The following PPARGC1A variants were observed in gnomAD, a reference collection of about 807,000 sequenced individuals.
PPARGC1A encodes PPARG coactivator 1 alpha.
A neutral mutation model predicts 88.7 loss-of-function variants in PPARGC1A; 25 were observed. The observed-to-expected ratio is 0.28, with a 90% CI of 0.21 to 0.39. PPARGC1A has a LOEUF of 0.39. Among genes scored for constraint, PPARGC1A ranks in the 10% least tolerant of loss-of-function variants. The probability of loss-of-function intolerance (pLI) is 1.00; values close to 1 mark genes in which losing one functional copy is unlikely to be tolerated. For missense variants in PPARGC1A, 880 were observed against 968.7 expected (o/e 0.91, Z 1.22); for synonymous variants, 363 against 355.6 (o/e 1.02, Z -0.24).
chr4:23,923,987 AT>A, the PPARGC1A span, among the ~76,000 whole-genome samples: 1 of 152,160 alleles, frequency 6.6e-6, no homozygotes, highest in East Asian at 1.9e-4. Context: ...CTATGGAGAG[AT>A]GCCTTTTCAG....
the PPARGC1A span, among the ~76,000 whole-genome samples, chr4:24,431,935 T>G: frequency 6.6e-6 from 1 of 152,190 alleles, no homozygotes; most frequent in Non-Finnish European, 1.5e-5. Flanking sequence ...GGTCATTAGA[T>G]TTGAAAATTA....
At chr4:24,251,150 A>G in the PPARGC1A span, among the ~76,000 whole-genome samples, 2 of 152,228 alleles carry the variant, frequency 1.3e-5, no homozygotes, top group African/African-American at 4.8e-5. Flanking sequence ...ACTAATTAGC[A>G]TAAGTCATTA....
At chr4:24,100,253 A>C in the PPARGC1A span, among the ~76,000 whole-genome samples, 5 of 152,192 alleles carry the variant, frequency 3.3e-5, no homozygotes, top group East Asian at 7.7e-4. Context: ...GTCTATTGGC[A>C]TATGAAGCTT....
Position 23,826,737 on chromosome 4 carries a change from T to C in PPARGC1A, c.757+1663A>G, listed in dbSNP as rs373607058. Among the ~76,000 whole-genome samples the C allele has an allele frequency of 2.0e-5, 3 of 152,198 alleles. No homozygotes were observed. The South Asian group carries it at 6.2e-4, about 31-fold the overall frequency. ...TTTGTCTGTTTGTCAACAGGTTTTG[T>C]TCTGGGGTGAGCGTTTTGTACCTTG... On this transcript the variant is annotated intron_variant, in intron 5 of 12. Transcript: ENST00000264867.
chr4:23,907,500 C>G (rs16874340), upstream of PPARGC1A, among the ~76,000 whole-genome samples: 728 of 152,270 alleles, frequency 4.8e-3, 34 homozygotes, highest in East Asian at 0.099. Context: ...TAAGGAGTCC[C>G]AGAGACACAA....
chr4:24,338,190 G>A, the PPARGC1A span, among the ~76,000 whole-genome samples: 1 of 152,118 alleles, frequency 6.6e-6, no homozygotes, highest in African/African-American at 2.4e-5. Flanking sequence ...GTGAGCCCCT[G>A]TGTAATTCTC....
the PPARGC1A span, among the ~76,000 whole-genome samples, chr4:24,285,411 G>A: frequency 1.2e-3 from 190 of 152,256 alleles, 1 homozygote; most frequent in Middle Eastern, 6.8e-3. Flanking sequence ...AGGAATGAGA[G>A]GGTGAAAGGG....
At chr4:24,068,202 TGCCACGGAAG>T in the PPARGC1A span, among the ~76,000 whole-genome samples, 6 of 89,990 alleles carry the variant, frequency 6.7e-5, no homozygotes, top group Non-Finnish European at 1.6e-4. Flanking sequence ...ATGTAATCAA[TGCCACGGAAG>T]GAATGATGAT....
chr4:24,466,886 C>CAGAAAAAA, the PPARGC1A span, among the ~76,000 whole-genome samples: 1 of 68,286 alleles, frequency 1.5e-5, no homozygotes, highest in Non-Finnish European at 2.6e-5. Context: ...TGCACACCAG[C>CAGAAAAAA]AAAAAAAAAA....
At chr4:24,364,269 T>C in the PPARGC1A span, among the ~76,000 whole-genome samples, 1 of 152,210 alleles carries the variant, frequency 6.6e-6, no homozygotes, top group Non-Finnish European at 1.5e-5. Context: ...AAAGGGATTT[T>C]CTGTGGGCAA....
rs368997338 is a variant in PPARGC1A, at chr4:23,868,628, T to C, written c.234+16124A>G. Among the ~76,000 whole-genome samples, 47 of 152,336 alleles carry C rather than the reference T, an allele frequency of 3.1e-4. No homozygotes were observed. The South Asian group carries it at 8.3e-3, about 27-fold the overall frequency. ...TATTACTTAGAAAGCTGAACCACAA[T>C]TCGAAGGCCTTAACGAAAGAAAAAG... is the stretch of plus-strand genomic sequence containing the variant. On this transcript the variant is annotated intron_variant, in intron 2 of 12. Transcript: ENST00000264867.
At chr4:24,455,018 ATG>A in the PPARGC1A span, among the ~76,000 whole-genome samples, 1 of 152,238 alleles carries the variant, frequency 6.6e-6, no homozygotes, top group Non-Finnish European at 1.5e-5. Flanking sequence ...GAGGAAACCG[ATG>A]AAATACACGA....
the PPARGC1A span, among the ~76,000 whole-genome samples, chr4:24,125,066 TA>T: frequency 6.6e-6 from 1 of 152,102 alleles, no homozygotes; most frequent in Admixed American, 6.6e-5. Context: ...TCATAGAAAA[TA>T]TTGGGTTAGA....
At chr4:24,342,518 T>C in the PPARGC1A span, among the ~76,000 whole-genome samples, 26 of 152,236 alleles carry the variant, frequency 1.7e-4, no homozygotes, top group Admixed American at 1.3e-3. Context: ...AAGAACCCCA[T>C]TGATTTTTCT....
chr4:24,248,940 A>G, the PPARGC1A span, among the ~76,000 whole-genome samples: 6 of 152,206 alleles, frequency 3.9e-5, no homozygotes, highest in Non-Finnish European at 8.8e-5. Context: ...AGAGTTGATA[A>G]AGCAAACAGA....
the PPARGC1A span, among the ~76,000 whole-genome samples, chr4:23,985,128 A>T: frequency 1.1e-4 from 17 of 152,280 alleles, no homozygotes; most frequent in Non-Finnish European, 2.4e-4. Context: ...ACAGTCTTCA[A>T]GTCCATCAAT....
chr4:24,212,085 G>C, the PPARGC1A span, among the ~76,000 whole-genome samples: 1 of 152,248 alleles, frequency 6.6e-6, no homozygotes, highest in Non-Finnish European at 1.5e-5. Flanking sequence ...CCACATCCTG[G>C]AGGATGCCGT....
At chr4:23,861,937 G>A (rs1021125030) in intron 2 of PPARGC1A, among the ~76,000 whole-genome samples, 16 of 152,282 alleles carry the variant, frequency 1.1e-4, no homozygotes, top group African/African-American at 3.8e-4. Context: ...AGACTTTAAA[G>A]CTAGGTTTAA....
chr4:24,457,715 ATTAT>A, the PPARGC1A span, among the ~76,000 whole-genome samples: 4 of 151,618 alleles, frequency 2.6e-5, no homozygotes, highest in East Asian at 7.8e-4. Context: ...TGGCTAATTT[ATTAT>A]TTATTTATTT....
Sources: allele counts gnomAD v4.1 joint callset (sites outside exome capture counted in the v4.1 genomes callset), GRCh38; gene constraint gnomAD v4.1.1; transcripts MANE v1.5; gene names NCBI Gene and HGNC (gene_info 2026-07-23, HGNC 2026-07-21).